FAT4: variants seen among roughly 807,000 people sequenced by gnomAD.
FAT4 encodes FAT atypical cadherin 4, also known as protocadherin Fat 4.
Under a neutral mutation model 303.9 loss-of-function variants are expected in FAT4, and 84 were observed. The observed-to-expected ratio is 0.28, with a 90% CI of 0.23 to 0.33. The LOEUF (loss-of-function observed/expected upper bound fraction) is 0.33. Among genes scored for constraint, FAT4 ranks in the 10% least tolerant of loss-of-function variants. The pLI is 1.00. For missense variants in FAT4, 6,005 were observed against 6,146.8 expected, an observed-to-expected ratio of 0.98 and a Z score of 0.77; for synonymous variants, 2,307 against 2,298.8, an observed-to-expected ratio of 1.00 and a Z score of -0.10.
chr4:125,363,614 G>A (rs1230448796), intron 2 of FAT4, among the ~76,000 whole-genome samples: 6 of 151,754 alleles, frequency 4.0e-5, no homozygotes, highest in Non-Finnish European at 7.4e-5. Flanking sequence ...CCCTGCCTCA[G>A]CCTCCCAAGT....
intron 17 of FAT4, among the ~76,000 whole-genome samples, chr4:125,487,967 T>G (rs1302281373): frequency 6.6e-6 from 1 of 152,200 alleles, no homozygotes; most frequent in African/African-American, 2.4e-5. Flanking sequence ...AGCCACTCTC[T>G]TCATAGACCA....
At position 125,451,666 on chromosome 4, in the gene FAT4, C is replaced by T. The variant is rs1272510294; in HGVS notation, c.10656C>T (p.Ser3552=). 1.2e-6 allele frequency: 2 copies of T among 1,614,138 alleles called. No individual in the cohort carries two copies. The highest frequency in any genetic ancestry group is 4.5e-5 in the East Asian group (2 of 44,872). The change falls in exon 10 of 18, where the codon AGC becomes AGT. Residue 3552 remains serine (S), a synonymous_variant. Coordinates refer to ENST00000394329, the MANE Select transcript of FAT4 (RefSeq NM_001291303.3). The part of the protein sequence containing the change: ...NQGPFTYYLL[S]TGPATSYFSL... ...GTCCCTTTACTTATTACTTGCTGAG[C>T]ACAGGTCCTGCCACCAGTTATTTCA...
chr4:125,404,088 C>T (rs1172989989), intron 3 of FAT4, among the ~76,000 whole-genome samples: 1 of 152,124 alleles, frequency 6.6e-6, no homozygotes, highest in Non-Finnish European at 1.5e-5. Context: ...TATGAATATT[C>T]TATTTTTCTC....
chr4:125,319,177 A>C lies in FAT4; in HGVS notation c.2766A>C (p.Glu922Asp). Residue 922 changes from glutamate to aspartate, a missense_variant, in exon 2 of 18, where the codon GAA (glutamate) becomes GAC (aspartate). Physicochemically the swap from Glu to Asp is conservative, Grantham distance 45. Coordinates refer to ENST00000394329, the MANE Select transcript of FAT4 (RefSeq NM_001291303.3). ...IFQAKAVDPD[E>D]GVNGMVLYSL... ...AGGCCAAAGCTGTGGACCCTGATGAAGGTGTCAATGGCATGGTACTCTATA... is the reference window on the plus strand; with the variant it reads ...AGGCCAAAGCTGTGGACCCTGATGACGGTGTCAATGGCATGGTACTCTATA... The C allele has an allele frequency of 6.2e-7, 1 of 1,614,168 alleles. No individual in the cohort carries two copies. Among genetic ancestry groups the C allele is most frequent in the Non-Finnish European group, 8.5e-7 (1 of 1,180,030 alleles).
At chr4:125,358,233 A>G (rs575839115) in intron 2 of FAT4, among the ~76,000 whole-genome samples, 3 of 152,194 alleles carry the variant, frequency 2.0e-5, no homozygotes, top group East Asian at 3.9e-4. Context: ...CATCTTCATC[A>G]GCGATCCCCA....
intron 2 of FAT4, among the ~76,000 whole-genome samples, chr4:125,339,352 C>T (rs970824543): frequency 2.0e-5 from 3 of 151,918 alleles, no homozygotes; most frequent in African/African-American, 7.3e-5. Flanking sequence ...CATGCCACCA[C>T]GCCTGGCTAA....
intron 2 of FAT4, among the ~76,000 whole-genome samples, chr4:125,373,271 A>T (rs747798453): frequency 1.3e-5 from 2 of 152,116 alleles, no homozygotes; most frequent in Non-Finnish European, 2.9e-5. Flanking sequence ...AATTGCCATG[A>T]TGCAGGTTTC....
At chr4:125,463,497 A>G (rs1381120805) in intron 10 of FAT4, 66 bp from the exon 11 acceptor site, 1 of 875,200 alleles carries the variant, frequency 1.1e-6, no homozygotes, top group Non-Finnish European at 1.7e-6. Flanking sequence ...ACGTATGGTA[A>G]TGGTGTAACG....
rs1578703752 is a variant in FAT4, at chr4:125,489,988, A to G, written c.13172A>G (p.Lys4391Arg). 3 of 1,613,462 alleles carry G rather than the reference A, an allele frequency of 1.9e-6. No individual in the cohort carries two copies. The highest frequency in any genetic ancestry group is 1.7e-5 in the Admixed American group (1 of 59,878). The change falls in exon 18 of 18, where the codon AAA (lysine) becomes AGA (arginine). Residue 4391 changes from lysine to arginine, a missense_variant. Physicochemically the swap from Lys to Arg is conservative, Grantham distance 26. Transcript: ENST00000394329. Reference protein sequence around the residue: ...SGKHSLASISKTDPSVKIGCR... With the variant: ...SGKHSLASISRTDPSVKIGCR... ...AAGCATAGCTTGGCCTCCATCTCAA[A>G]AACAGATCCCTCAGTGAAGATTGGC...
chr4:125,444,269 G>T (rs1006586575), intron 8 of FAT4, among the ~76,000 whole-genome samples: 1 of 152,124 alleles, frequency 6.6e-6, no homozygotes, highest in Non-Finnish European at 1.5e-5. Flanking sequence ...CCTGCTTTTG[G>T]TGAGTGCTTC....
chr4:125,333,606 C>T (rs1731467513), intron 2 of FAT4, among the ~76,000 whole-genome samples: 1 of 152,228 alleles, frequency 6.6e-6, no homozygotes, highest in Admixed American at 6.5e-5. Flanking sequence ...TGTAGCACAT[C>T]ACAGGAAAAA....
chr4:125,468,471 C>A, intron 11 of FAT4, 41 bp from the exon 12 acceptor site: 2 of 1,324,120 alleles, frequency 1.5e-6, no homozygotes, highest in Non-Finnish European at 2.0e-6. Context: ...ATAAAATTTT[C>A]ATGAAATTTT....
At position 125,320,476 on chromosome 4, in the gene FAT4, TG is replaced by T; in HGVS notation, c.4068del (p.Thr1357LeufsTer32). On this transcript the variant is annotated frameshift_variant, in exon 2 of 18. Coordinates refer to ENST00000394329, the MANE Select transcript of FAT4 (RefSeq NM_001291303.3). LOFTEE classifies it high-confidence loss of function. ...DNADLYYSIT[G>X]TNNHGTFSIS... ...ATGCTGATTTATATTACAGTATTAC[TG>T]GGACTAACAACCACGGAACTTTTAG... The T allele has an allele frequency of 6.2e-7, 1 of 1,614,178 alleles. No homozygotes were observed. The highest frequency in any genetic ancestry group is 8.5e-7 in the Non-Finnish European group (1 of 1,180,010).
At chr4:125,390,246 G>T (rs1055749557) in intron 2 of FAT4, among the ~76,000 whole-genome samples, 1 of 152,030 alleles carries the variant, frequency 6.6e-6, no homozygotes, top group Non-Finnish European at 1.5e-5. Flanking sequence ...TCATGTTTAA[G>T]GTCAGGTCAT....
At chr4:125,439,966 A>T (rs1483791889) in intron 8 of FAT4, among the ~76,000 whole-genome samples, 1 of 152,166 alleles carries the variant, frequency 6.6e-6, no homozygotes, top group Non-Finnish European at 1.5e-5. Flanking sequence ...CTAACCACCT[A>T]CTATGTATCA....
At chr4:125,381,572 T>C (rs2125999288) in intron 2 of FAT4, among the ~76,000 whole-genome samples, 1 of 152,352 alleles carries the variant, frequency 6.6e-6, no homozygotes, top group African/African-American at 2.4e-5. Context: ...AACAGCTACC[T>C]GAGCCTTCAG....
chr4:125,344,152 C>T (rs1236151298), intron 2 of FAT4, among the ~76,000 whole-genome samples: 2 of 152,104 alleles, frequency 1.3e-5, no homozygotes, highest in African/African-American at 2.4e-5. Flanking sequence ...AAAGCATATC[C>T]AAGAGAGATT....
At position 125,318,531 on chromosome 4, in the gene FAT4, A is replaced by G. The variant is rs1384402371; in HGVS notation, c.2120A>G (p.Tyr707Cys). The change falls in exon 2 of 18, where the codon TAC becomes TGC. Residue 707 changes from tyrosine to cysteine, a missense_variant. Transcript: ENST00000394329. ...AAGGAGAATGAGCCTGGAGGTAGCTACATCACCACTGTGTCTGCCACTGAC... is the reference window on the plus strand; with the variant it reads ...AAGGAGAATGAGCCTGGAGGTAGCTGCATCACCACTGTGTCTGCCACTGAC... ...HIKENEPGGSYITTVSATDPD... is the reference protein window; with the variant it reads ...HIKENEPGGSCITTVSATDPD... 1.9e-6 allele frequency: 3 copies of G among 1,614,098 alleles called. No homozygotes were observed. Among genetic ancestry groups the G allele is most frequent in the African/African-American group, 2.7e-5 (2 of 74,942 alleles).
chr4:125,408,283 A>G (rs545229286), intron 4 of FAT4, among the ~76,000 whole-genome samples, 161 bp from the exon 5 acceptor site: 3 of 152,302 alleles, frequency 2.0e-5, no homozygotes, highest in East Asian at 3.9e-4. Flanking sequence ...GGAAATGGTA[A>G]TATCAAAATC....
Sources: gnomAD v4.1 joint callset for allele counts (sites outside exome capture counted in the v4.1 genomes callset) on GRCh38, gnomAD v4.1.1 for gene constraint, MANE v1.5 for transcripts, NCBI Gene and HGNC (gene_info 2026-07-23, HGNC 2026-07-21) for gene names.